Variants in OSBPL10 observed in about 807,000 individuals in gnomAD.
OSBPL10 encodes the protein oxysterol-binding protein-related protein 10.
Under a neutral mutation model 81.7 loss-of-function variants are expected in OSBPL10, and 49 were observed. The ratio of observed to expected loss-of-function variants is 0.60; its 90% CI spans 0.48 to 0.76. The LOEUF (loss-of-function observed/expected upper bound fraction) is 0.76, where lower values mean the gene tolerates loss of function less well. Ranked by LOEUF, OSBPL10 falls within the 30% of genes least tolerant of loss-of-function variation. The pLI is 0.00. For missense variants in OSBPL10, 923 were observed against 987.8 expected, an observed-to-expected ratio of 0.93 and a Z score of 0.88; for synonymous variants, 419 against 383.6, an observed-to-expected ratio of 1.09 and a Z score of -1.08.
intron 4 of OSBPL10, among the ~76,000 whole-genome samples, chr3:31,760,159 C>T (rs183495283): frequency 6.6e-6 from 1 of 152,278 alleles, no homozygotes; most frequent in East Asian, 1.9e-4. Context: ...CTTTTCTTCA[C>T]ATTGAGTAGG....
intron 1 of OSBPL10, among the ~76,000 whole-genome samples, chr3:31,920,820 G>A (rs1696891184): frequency 6.6e-6 from 1 of 152,066 alleles, no homozygotes; most frequent in Non-Finnish European, 1.5e-5. Flanking sequence ...AAAGAAGCCT[G>A]GCTTCTCTCT....
At chr3:31,929,033 T>C (rs1366742178) in intron 1 of OSBPL10, among the ~76,000 whole-genome samples, 2 of 152,130 alleles carry the variant, frequency 1.3e-5, no homozygotes, top group Admixed American at 1.3e-4. Context: ...TCACACCAGC[T>C]AGAATTAAAA....
intron 6 of OSBPL10, among the ~76,000 whole-genome samples, chr3:31,722,288 C>T (rs1001798584): frequency 2.6e-5 from 4 of 152,092 alleles, no homozygotes; most frequent in Non-Finnish European, 4.4e-5. Context: ...AAAAACCTGG[C>T]TTTTGTGAGG....
chr3:31,886,850 G>T (rs985524018), intron 1 of OSBPL10, among the ~76,000 whole-genome samples: 7 of 151,988 alleles, frequency 4.6e-5, no homozygotes, highest in Middle Eastern at 6.3e-3. Context: ...TGAGGCAGAA[G>T]AATCGCTGGA....
Position 31,981,082 on chromosome 3 carries a change from C to A in OSBPL10, c.98G>T (p.Cys33Phe). The A allele has an allele frequency of 6.7e-7, 1 of 1,492,882 alleles. No individual in the cohort carries two copies. Among genetic ancestry groups the A allele is most frequent in the Non-Finnish European group, 8.9e-7 (1 of 1,125,766 alleles). The allele number at this position is 1,492,882 out of a possible 1,614,324, so 92.5% of individuals were successfully genotyped here. The change falls in exon 1 of 12, where the codon TGC becomes TTC. Residue 33 changes from cysteine to phenylalanine, a missense_variant. By Grantham distance (205) the Cys-to-Phe change is radical. Coordinates refer to ENST00000396556, the MANE Select transcript of OSBPL10 (RefSeq NM_017784.5). This position sits in a 1 kb window ranked among gnomAD's most constrained non-coding sequence, Gnocchi z 4.5. The stretch of plus-strand genomic sequence containing the variant: ...GGAGACCCCCCGGCCCGCCAGAGAG[C>A]AGGAGGGCGAGGAGCCCGCCGAGGT... ...RATSAGSSPS[C>F]SLAGRGVSSR...
chr3:31,741,630 AAAAT>A (rs1413144472), intron 5 of OSBPL10, among the ~76,000 whole-genome samples: 1 of 152,224 alleles, frequency 6.6e-6, no homozygotes, highest in African/African-American at 2.4e-5. Flanking sequence ...AAAAAAATAA[AAAAT>A]AAACACTTAT....
intron 1 of OSBPL10, among the ~76,000 whole-genome samples, chr3:31,979,080 CCAA>C (rs948851018): frequency 6.6e-6 from 1 of 152,164 alleles, no homozygotes; most frequent in Non-Finnish European, 1.5e-5. Flanking sequence ...GCTCAACACA[CCAA>C]CAAAATGCTG....
chr3:31,799,142 A>G (rs1272317920), intron 4 of OSBPL10, among the ~76,000 whole-genome samples: 1 of 152,178 alleles, frequency 6.6e-6, no homozygotes, highest in African/African-American at 2.4e-5. Context: ...AGACCCTTCC[A>G]GAACTATAAC....
intron 5 of OSBPL10, among the ~76,000 whole-genome samples, chr3:31,738,367 G>C (rs1697252020): frequency 6.8e-6 from 1 of 147,096 alleles, no homozygotes; most frequent in Non-Finnish European, 1.5e-5. Flanking sequence ...CATGGAAGCA[G>C]AAAAATTAGA....
At chr3:32,053,223 C>T (rs1424572981) in intron 1 of OSBPL10, among the ~76,000 whole-genome samples, 1 of 152,090 alleles carries the variant, frequency 6.6e-6, no homozygotes. Flanking sequence ...ATGCAAGGCA[C>T]GTGAGGAAAG....
chr3:31,829,972 C>A, intron 4 of OSBPL10, 68 bp downstream of exon 4: 1 of 1,443,202 alleles, frequency 6.9e-7, no homozygotes, highest in South Asian at 1.4e-5. Context: ...GAAGAGGAGT[C>A]GGCAGAGCGA....
chr3:31,688,277 T>TCACACA (rs1451338254), intron 7 of OSBPL10, among the ~76,000 whole-genome samples: 2 of 76,962 alleles, frequency 2.6e-5, no homozygotes, highest in African/African-American at 7.0e-5. Flanking sequence ...TCTCTCTCTC[T>TCACACA]CTCTCTCACA....
chr3:31,716,332 G>A (rs74590735), intron 6 of OSBPL10, among the ~76,000 whole-genome samples: 2,324 of 152,222 alleles, frequency 0.015, 36 homozygotes, highest in South Asian at 0.036. Context: ...TTAAGTGTAT[G>A]GTTCAGGAGT....
intron 4 of OSBPL10, among the ~76,000 whole-genome samples, chr3:31,827,012 G>A (rs1367779900): frequency 6.6e-6 from 1 of 152,194 alleles, no homozygotes; most frequent in Admixed American, 6.5e-5. Context: ...GCAAGAAGCT[G>A]AAGAAATATA....
intron 4 of OSBPL10, among the ~76,000 whole-genome samples, chr3:31,784,938 GCAGTAGTA>G (rs1271935377): frequency 6.6e-6 from 1 of 152,000 alleles, no homozygotes; most frequent in Admixed American, 6.6e-5. Context: ...GGAGTGAAGT[GCAGTAGTA>G]CAATAGCAGC....
intron 1 of OSBPL10, among the ~76,000 whole-genome samples, chr3:31,919,779 G>A (rs970846831): frequency 6.6e-6 from 1 of 152,224 alleles, no homozygotes; most frequent in African/African-American, 2.4e-5. Context: ...ATCCTGGGCT[G>A]AGGAAAACAG....
intron 4 of OSBPL10, among the ~76,000 whole-genome samples, chr3:31,809,888 T>TTTTTA (rs1699630861): frequency 2.0e-5 from 3 of 149,104 alleles, no homozygotes; most frequent in Admixed American, 6.7e-5. Context: ...TTTTTTTTTT[T>TTTTTA]GAGATGGAGT....
chr3:31,767,553 C>T (rs1046448645), intron 4 of OSBPL10, among the ~76,000 whole-genome samples: 1 of 148,764 alleles, frequency 6.7e-6, no homozygotes, highest in African/African-American at 2.4e-5. Context: ...CTTCATGAAG[C>T]CTTCCTTATC....
At position 31,670,821 on chromosome 3, in the gene OSBPL10, G is replaced by A; in HGVS notation, c.1889C>T (p.Pro630Leu). The A allele has an allele frequency of 6.2e-7, 1 of 1,614,066 alleles. No homozygotes were observed. The highest frequency in any genetic ancestry group is 8.5e-7 in the Non-Finnish European group (1 of 1,179,978). ...YSATVIFHTK[P>L]FYGGKVHRVT... ...CCTGTGGACTTTCCCTCCATAGAAAGGCTTCGTGTGGAATATCACTGTCGC... is the reference window on the plus strand; with the variant it reads ...CCTGTGGACTTTCCCTCCATAGAAAAGCTTCGTGTGGAATATCACTGTCGC... Residue 630 changes from proline to leucine, a missense_variant, in exon 9 of 12, where the codon CCT (proline) becomes CTT (leucine). Pro to Leu is a moderately conservative substitution (Grantham distance 98). Coordinates refer to ENST00000396556, the MANE Select transcript of OSBPL10 (RefSeq NM_017784.5).
Sources: gnomAD v4.1 joint callset for allele counts (sites outside exome capture counted in the v4.1 genomes callset) on GRCh38, gnomAD v4.1.1 for gene constraint, Gnocchi (gnomAD v3.1) non-coding constraint, MANE v1.5 for transcripts, NCBI Gene and HGNC (gene_info 2026-07-23, HGNC 2026-07-21) for gene names.